The following SGCD variants were observed in gnomAD, a reference collection of about 807,000 sequenced individuals.
SGCD encodes sarcoglycan delta.
SGCD carries 18 observed loss-of-function variants against 36.6 expected under a neutral mutation model. The observed-to-expected ratio is 0.49, with a 90% CI of 0.34 to 0.73. The LOEUF (loss-of-function observed/expected upper bound fraction) is 0.73. SGCD is among the 30% of genes least tolerant of loss of function. The pLI, the probability that SGCD is intolerant of heterozygous loss-of-function variation, is 0.01. For synonymous variants in SGCD, 133 were observed against 130.6 expected (o/e 1.02, Z -0.12); for missense variants, 387 against 346.7 (o/e 1.12, Z -0.92).
intron 3 of SGCD, among the ~76,000 whole-genome samples, chr5:156,229,277 CATAT>C (rs570200528): frequency 5.1e-4 from 29 of 56,496 alleles, no homozygotes; most frequent in South Asian, 6.3e-4. Flanking sequence ...TATATACATA[CATAT>C]ATATATATAT....
At chr5:155,998,211 AAAC>A (rs1328705530) in intron 1 of SGCD, among the ~76,000 whole-genome samples, 1 of 152,236 alleles carries the variant, frequency 6.6e-6, no homozygotes, top group Non-Finnish European at 1.5e-5. Context: ...AACTTCATAA[AAAC>A]AATTTCTTCC....
intron 1 of SGCD, 77 bp from the exon 2 acceptor site, chr5:156,329,457 T>C: frequency 9.9e-7 from 1 of 1,011,820 alleles, no homozygotes; most frequent in Non-Finnish European, 1.6e-6. Context: ...TGGCATTGCC[T>C]GAGGGTTCAG....
intron 6 of SGCD, among the ~76,000 whole-genome samples, chr5:156,640,280 A>G (rs1022378050): frequency 2.6e-5 from 4 of 152,114 alleles, no homozygotes; most frequent in African/African-American, 9.6e-5. Flanking sequence ...AGCTGTTTAT[A>G]TATCTATATA....
At chr5:156,191,892 C>G (rs925936623) in intron 3 of SGCD, among the ~76,000 whole-genome samples, 1 of 152,140 alleles carries the variant, frequency 6.6e-6, no homozygotes, top group African/African-American at 2.4e-5. Flanking sequence ...TTTCATCTGT[C>G]TCTCTTCTTC....
intron 3 of SGCD, among the ~76,000 whole-genome samples, chr5:156,206,773 T>G (rs1349022311): frequency 2.0e-5 from 3 of 152,042 alleles, no homozygotes; most frequent in African/African-American, 7.2e-5. Context: ...CTCATTTTTT[T>G]GAGGATTTGT....
intron 3 of SGCD, among the ~76,000 whole-genome samples, chr5:156,239,221 G>A (rs907165819): frequency 2.0e-5 from 3 of 151,858 alleles, no homozygotes; most frequent in Admixed American, 6.6e-5. Flanking sequence ...CCAACATGGC[G>A]AAACCCCATC....
chr5:156,747,412 T>G (rs1469481289), intron 7 of SGCD, among the ~76,000 whole-genome samples: 1 of 152,244 alleles, frequency 6.6e-6, no homozygotes, highest in Non-Finnish European at 1.5e-5. Flanking sequence ...TTTATGAGGA[T>G]GCTGTTAAGC....
chr5:156,423,236 ATT>A (rs67448146), intron 3 of SGCD, among the ~76,000 whole-genome samples: 13 of 798 alleles, frequency 0.016, no homozygotes, highest in South Asian at 0.083. Flanking sequence ...ATTGTATTAT[ATT>A]ATATTTTATA....
chr5:156,151,881 G>C (rs1762843657), intron 3 of SGCD, among the ~76,000 whole-genome samples: 1 of 150,964 alleles, frequency 6.6e-6, no homozygotes, highest in Admixed American at 6.6e-5. Flanking sequence ...CTCCAAGGAA[G>C]GCCCTCTAGT....
upstream of SGCD, among the ~76,000 whole-genome samples, chr5:156,323,087 C>T (rs1351832438): frequency 3.9e-5 from 6 of 152,074 alleles, no homozygotes; most frequent in East Asian, 1.9e-4. Flanking sequence ...TGAACATCAT[C>T]GACATAAATG....
At chr5:156,679,891 C>G (rs1046978089) in intron 7 of SGCD, among the ~76,000 whole-genome samples, 2 of 152,084 alleles carry the variant, frequency 1.3e-5, no homozygotes, top group African/African-American at 4.8e-5. Flanking sequence ...AGACTAATGC[C>G]TCAGGATTTT....
intron 4 of SGCD, among the ~76,000 whole-genome samples, chr5:156,523,883 T>C (rs1239983778): frequency 4.0e-5 from 6 of 151,560 alleles, no homozygotes; most frequent in Admixed American, 3.3e-4. Flanking sequence ...GTGTTATGAA[T>C]GTACAATACG....
At chr5:156,513,403 G>A (rs1042289037) in intron 4 of SGCD, among the ~76,000 whole-genome samples, 1 of 152,132 alleles carries the variant, frequency 6.6e-6, no homozygotes, top group Non-Finnish European at 1.5e-5. Context: ...GTCGTTTTCT[G>A]ATGTATCTGA....
intron 1 of SGCD, among the ~76,000 whole-genome samples, chr5:156,115,211 A>T (rs892883635): frequency 2.0e-5 from 3 of 152,136 alleles, no homozygotes; most frequent in Non-Finnish European, 4.4e-5. Flanking sequence ...TGGAAAATTT[A>T]AAAGGTCAAA....
chr5:156,039,954 G>A (rs1759594745), intron 1 of SGCD, among the ~76,000 whole-genome samples: 1 of 152,130 alleles, frequency 6.6e-6, no homozygotes, highest in African/African-American at 2.4e-5. Context: ...ATAAGTTACA[G>A]TGAGTGTCAG....
At chr5:156,562,966 T>A (rs1437668933) in intron 4 of SGCD, among the ~76,000 whole-genome samples, 1 of 151,976 alleles carries the variant, frequency 6.6e-6, no homozygotes, top group South Asian at 2.1e-4. Context: ...TATATAGTGA[T>A]GATAGATTGT....
At chr5:156,425,034 A>G (rs1773610158) in intron 3 of SGCD, among the ~76,000 whole-genome samples, 1 of 152,024 alleles carries the variant, frequency 6.6e-6, no homozygotes, top group South Asian at 2.1e-4. Context: ...ATAGCTTGCC[A>G]TTTTTATCCT....
At chr5:156,621,523 A>G (rs1762248108) in intron 6 of SGCD, among the ~76,000 whole-genome samples, 1 of 152,190 alleles carries the variant, frequency 6.6e-6, no homozygotes, top group Non-Finnish European at 1.5e-5. Context: ...TTACGTTAAA[A>G]AAAAAATGTG....
rs574150344 is a variant in SGCD at position 156,541,720 on chromosome 5, T to A, written c.294+33018T>A. Among the ~76,000 whole-genome samples the A allele has an allele frequency of 1.2e-3, 181 of 152,286 alleles. 3 individuals are homozygous for A. In the South Asian group the frequency reaches 0.016, roughly 13 times the overall value. Reference sequence around the variant, plus strand: ...TGTCAGGAATTGTGCTAACTTTGCATGTGCTATTTAATCTTCCACTTTATA... The same window carrying A: ...TGTCAGGAATTGTGCTAACTTTGCAAGTGCTATTTAATCTTCCACTTTATA... On this transcript the variant is annotated intron_variant, in intron 4 of 8. Coordinates refer to ENST00000337851, the MANE Select transcript of SGCD (RefSeq NM_000337.6).
Sources: gnomAD v4.1 joint callset for allele counts (sites outside exome capture counted in the v4.1 genomes callset) on GRCh38, gnomAD v4.1.1 for gene constraint, MANE v1.5 for transcripts, NCBI Gene and HGNC (gene_info 2026-07-23, HGNC 2026-07-21) for gene names.